CFAP90: variants seen among roughly 807,000 people sequenced by gnomAD.
CFAP90 encodes the protein cilia and flagella associated protein 90, also known as cilia- and flagella-associated protein 90.
chr5:7,850,281 C>A, the CFAP90 span, among the ~76,000 whole-genome samples: 3 of 151,926 alleles, frequency 2.0e-5, no homozygotes, highest in Non-Finnish European at 2.9e-5. Context: ...CATCTCCGCA[C>A]GCTCCCACCC....
At chr5:7,835,387 C>T in the CFAP90 span, 5,180 of 1,554,732 alleles carry the variant, frequency 3.3e-3, 146 homozygotes, top group African/African-American at 0.061. Flanking sequence ...ATTACCTCTT[C>T]GTTAACATGA....
chr5:7,831,807 G>C, the CFAP90 span: 7 of 1,572,464 alleles, frequency 4.5e-6, no homozygotes, highest in African/African-American at 5.4e-5. Context: ...AAACTTGCCA[G>C]GCCACAGGGT....
chr5:7,833,504 C>A, the CFAP90 span, among the ~76,000 whole-genome samples: 3 of 151,764 alleles, frequency 2.0e-5, no homozygotes, highest in Non-Finnish European at 2.9e-5. Flanking sequence ...GATACATACA[C>A]ACATGCATAT....
the CFAP90 span, chr5:7,851,080 C>G: frequency 2.4e-6 from 3 of 1,234,400 alleles, no homozygotes; most frequent in Non-Finnish European, 3.0e-6. Flanking sequence ...CCCAGGGGCC[C>G]AGTCGGAGTC....
chr5:7,844,380 C>T, the CFAP90 span, among the ~76,000 whole-genome samples: 1,335 of 152,280 alleles, frequency 8.8e-3, 10 homozygotes, highest in South Asian at 0.017. Context: ...GGTGACTTAT[C>T]CCTTTGTTTT....
the CFAP90 span, among the ~76,000 whole-genome samples, chr5:7,832,842 C>CT: frequency 6.6e-5 from 10 of 152,302 alleles, no homozygotes; most frequent in East Asian, 7.7e-4. Context: ...TCTGAGAGGG[C>CT]TTTTTTCTGA....
At chr5:7,833,929 G>A in the CFAP90 span, among the ~76,000 whole-genome samples, 1 of 152,006 alleles carries the variant, frequency 6.6e-6, no homozygotes. Flanking sequence ...CCTACTGTGC[G>A]GCCAGTCATA....
chr5:7,849,726 T>C, the CFAP90 span, among the ~76,000 whole-genome samples: 3 of 152,252 alleles, frequency 2.0e-5, no homozygotes, highest in South Asian at 2.1e-4. Context: ...CACGGGCCGG[T>C]GTGGCCAGGA....
chr5:7,836,537 T>A, the CFAP90 span, among the ~76,000 whole-genome samples: 5 of 152,170 alleles, frequency 3.3e-5, no homozygotes, highest in Non-Finnish European at 1.5e-5. Context: ...TGTATAGCCT[T>A]CTTCATACGA....
the CFAP90 span, among the ~76,000 whole-genome samples, chr5:7,850,439 C>A: frequency 1.3e-5 from 2 of 151,904 alleles, no homozygotes; most frequent in African/African-American, 4.8e-5. Context: ...AGCGGTGCAG[C>A]CCCTCCCAGG....
the CFAP90 span, among the ~76,000 whole-genome samples, chr5:7,848,472 G>T: frequency 6.6e-6 from 1 of 152,156 alleles, no homozygotes; most frequent in Non-Finnish European, 1.5e-5. Context: ...TGGATGACGT[G>T]GCTTAACCAA....
At chr5:7,833,294 TAC>T in the CFAP90 span, among the ~76,000 whole-genome samples, 3 of 152,080 alleles carry the variant, frequency 2.0e-5, no homozygotes, top group South Asian at 2.1e-4. Flanking sequence ...CACATGCATG[TAC>T]ACACATATGT....
the CFAP90 span, chr5:7,850,995 G>T: frequency 7.8e-7 from 1 of 1,286,908 alleles, no homozygotes; most frequent in African/African-American, 1.5e-5. Flanking sequence ...GCGTGGACGC[G>T]GTGGTCTCCT....
chr5:7,851,010 G>T, the CFAP90 span: 6 of 1,265,112 alleles, frequency 4.7e-6, no homozygotes, highest in African/African-American at 1.5e-5. Flanking sequence ...TCTCCTCCTC[G>T]TCGTCCTCCA....
At chr5:7,836,305 A>T in the CFAP90 span, among the ~76,000 whole-genome samples, 1 of 152,224 alleles carries the variant, frequency 6.6e-6, no homozygotes, top group Non-Finnish European at 1.5e-5. Context: ...TTTGAAAAAC[A>T]AACAATACCT....
the CFAP90 span, among the ~76,000 whole-genome samples, chr5:7,843,344 C>A: frequency 2.0e-5 from 3 of 152,170 alleles, no homozygotes; most frequent in Non-Finnish European, 4.4e-5. Context: ...AAAGACAATA[C>A]TCAACTATTC....
At chr5:7,844,582 A>T in the CFAP90 span, among the ~76,000 whole-genome samples, 3 of 152,218 alleles carry the variant, frequency 2.0e-5, no homozygotes, top group Non-Finnish European at 4.4e-5. Context: ...TTAGCAGGTT[A>T]GATACTAATA....
chr5:7,849,851 G>C, the CFAP90 span, among the ~76,000 whole-genome samples: 1 of 152,056 alleles, frequency 6.6e-6, no homozygotes, highest in African/African-American at 2.4e-5. Context: ...GGACCATCCG[G>C]GCGTAGTCCC....
the CFAP90 span, among the ~76,000 whole-genome samples, chr5:7,848,815 A>C: frequency 6.6e-6 from 1 of 152,062 alleles, no homozygotes; most frequent in Non-Finnish European, 1.5e-5. Flanking sequence ...TTCACTGTGC[A>C]CTCATTCCTC....
Sources: gnomAD v4.1 joint callset for allele counts (sites outside exome capture counted in the v4.1 genomes callset) on GRCh38, gnomAD v4.1.1 for gene constraint, MANE v1.5 for transcripts, NCBI Gene and HGNC (gene_info 2026-07-23, HGNC 2026-07-21) for gene names.